The following PON2 variants were observed in gnomAD, a reference collection of about 807,000 sequenced individuals.
PON2 encodes serum paraoxonase/arylesterase 2.
A neutral mutation model predicts 36.6 loss-of-function variants in PON2; 27 were observed. The ratio of observed to expected loss-of-function variants is 0.74; its 90% CI spans 0.54 to 1.02. The LOEUF (loss-of-function observed/expected upper bound fraction) is 1.02. Among genes scored for constraint, PON2 ranks in the 50% least tolerant of loss-of-function variants. PON2 has a pLI of 0.00. For missense variants in PON2, 363 were observed against 421.1 expected (o/e 0.86, Z 1.21); for synonymous variants, 149 against 156.3 (o/e 0.95, Z 0.35).
At chr7:95,411,176 G>A (rs987130655) in intron 5 of PON2, among the ~76,000 whole-genome samples, 3 of 152,024 alleles carry the variant, frequency 2.0e-5, no homozygotes, top group African/African-American at 7.3e-5. Context: ...CTAATTCTGT[G>A]GGATTACTAG....
Position 95,412,375 on chromosome 7 carries a change from T to C in PON2, c.304A>G (p.Ile102Val), listed in dbSNP as rs1260441592. 5.0e-6 allele frequency: 8 copies of C among 1,614,200 alleles called. No homozygotes were observed. Among genetic ancestry groups the C allele is most frequent in the South Asian group, 1.1e-5 (1 of 91,080 alleles). ...GAGGCCAAATCAAACCCACGACTGA[T>C]TCTTAATTCCCGTGCCCTTGGTTTT... is the stretch of plus-strand genomic sequence containing the variant. ...EEKPRARELR[I>V]SRGFDLASFN... Residue 102 changes from isoleucine (I) to valine (V), a missense_variant, in exon 4 of 9, where the codon ATC (isoleucine) becomes GTC (valine). Coordinates refer to ENST00000222572, the MANE Select transcript of PON2 (RefSeq NM_000305.3).
chr7:95,407,341 G>T (rs1809726421), intron 6 of PON2, among the ~76,000 whole-genome samples: 1 of 152,098 alleles, frequency 6.6e-6, no homozygotes, highest in South Asian at 2.1e-4. Context: ...GTCCATATTT[G>T]CCACTGAAAT....
At position 95,405,250 on chromosome 7, in the gene PON2, G is replaced by A. The variant is rs1809647017; in HGVS notation, c.*80C>T. The A allele has an allele frequency of 6.9e-7, 1 of 1,453,224 alleles. No individual in the cohort carries two copies. The highest frequency in any genetic ancestry group is 1.4e-5 in the African/African-American group (1 of 71,244). 90.0% of individuals were successfully genotyped at this position (1,453,224 alleles called of 1,614,324 possible). A position where few individuals can be genotyped will look rare whatever the true frequency, so the allele number is the denominator to read the frequency against. On this transcript the variant is annotated 3_prime_UTR_variant, in exon 9 of 9. Transcript: ENST00000222572. ...TGCCATACATTTCTGGGTCAATGTT[G>A]CTGGTTAAATTCCCTCAGAATTAGC...
chr7:95,433,495 C>T lies in PON2; in HGVS notation c.74+1383G>A, dbSNP rs184433806. On this transcript the variant is annotated intron_variant, in intron 1 of 8. Coordinates refer to ENST00000222572, the MANE Select transcript of PON2 (RefSeq NM_000305.3). ...GAGAACCATTGCTCTCCTCCAATCC[C>T]CCCTTCCAGGCTTATCTCTATAAAA... Among the ~76,000 whole-genome samples the T allele has an allele frequency of 9.0e-4, 137 of 152,294 alleles. 1 individual carries two copies. Among genetic ancestry groups the T allele is most frequent in the Admixed American group, 8.2e-3 (126 of 15,300 alleles).
intron 6 of PON2, among the ~76,000 whole-genome samples, chr7:95,408,041 T>TTG (rs1278120355): frequency 6.6e-6 from 1 of 152,200 alleles, no homozygotes; most frequent in Non-Finnish European, 1.5e-5. Context: ...GGTGGCCTGT[T>TTG]AAACAAAGTC....
chr7:95,416,633 T>A (rs534025672), intron 2 of PON2, among the ~76,000 whole-genome samples: 27 of 152,226 alleles, frequency 1.8e-4, no homozygotes, highest in Non-Finnish European at 2.8e-4. Context: ...AGGGGAATAT[T>A]ACTTTCTGAA....
chr7:95,417,591 T>A (rs1789091899), intron 2 of PON2, among the ~76,000 whole-genome samples: 1 of 151,350 alleles, frequency 6.6e-6, no homozygotes. Context: ...ATGACTAGAC[T>A]CTAGTTCCAC....
chr7:95,430,765 AAAAAG>A (rs1176657239), intron 1 of PON2, among the ~76,000 whole-genome samples: 1 of 152,034 alleles, frequency 6.6e-6, no homozygotes, highest in Non-Finnish European at 1.5e-5. Context: ...GCCTTGAAGA[AAAAAG>A]AAAAAAAGAA....
At chr7:95,424,002 T>G (rs1789254972) in intron 2 of PON2, among the ~76,000 whole-genome samples, 1 of 152,170 alleles carries the variant, frequency 6.6e-6, no homozygotes, top group African/African-American at 2.4e-5. Context: ...GACCTCTCAC[T>G]GGGTCCCTCC....
chr7:95,417,690 G>GACACACACACACACACAC (rs555142509), intron 2 of PON2, among the ~76,000 whole-genome samples: 5 of 93,814 alleles, frequency 5.3e-5, no homozygotes, highest in Admixed American at 1.0e-4. Context: ...TGTACACACA[G>GACACACACACACACACAC]ACACACACAC....
intron 3 of PON2, chr7:95,412,729 T>C (rs1278871789): frequency 2.0e-5 from 10 of 499,078 alleles, no homozygotes; most frequent in Non-Finnish European, 3.2e-5. Flanking sequence ...GTTGGTGGAC[T>C]AGGTGATTCC....
intron 1 of PON2, among the ~76,000 whole-genome samples, chr7:95,428,338 G>A (rs1789362318): frequency 1.3e-5 from 2 of 152,084 alleles, no homozygotes; most frequent in South Asian, 4.1e-4. Context: ...TTCCCCAAGT[G>A]ACCCCTATGG....
At position 95,420,221 on chromosome 7, in the gene PON2, C is replaced by G; in HGVS notation, c.146-3924G>C. 2.0e-5 allele frequency among the ~76,000 whole-genome samples: 3 copies of G among 152,174 alleles called. No homozygotes were observed. The Middle Eastern group carries it at 0.01, about 518-fold the overall frequency. ...ATTATAAGGGCCACAAACTTTAATGCTTTTTTCCCCTCAATCTCCCAAGCA... is the reference window on the plus strand; with the variant it reads ...ATTATAAGGGCCACAAACTTTAATGGTTTTTTCCCCTCAATCTCCCAAGCA... On this transcript the variant is annotated intron_variant, in intron 2 of 8. Transcript: ENST00000222572.
rs368996669 is a variant in PON2 at position 95,407,620 on chromosome 7, C to T, written c.696-552G>A. Among the ~76,000 whole-genome samples the T allele has an allele frequency of 2.3e-4, 35 of 152,284 alleles. 1 individual carries two copies. Among genetic ancestry groups the T allele is most frequent in the African/African-American group, 8.2e-4 (34 of 41,552 alleles). On this transcript the variant is annotated intron_variant, in intron 6 of 8. Transcript: ENST00000222572. ...GAGGTAATTTTACTCATTGAATTGA[C>T]TTTCCATGGCACCTGCTCTGTTGAG...
At chr7:95,412,549 A>T (rs1031974821) in intron 3 of PON2, 72 bp from the exon 4 acceptor site, 16 of 1,469,448 alleles carry the variant, frequency 1.1e-5, no homozygotes, top group Non-Finnish European at 1.5e-5. Flanking sequence ...GGAACTGTAC[A>T]TGAAGGATAA....
intron 1 of PON2, among the ~76,000 whole-genome samples, chr7:95,430,341 C>T (rs1427322101): frequency 6.6e-6 from 1 of 150,804 alleles, no homozygotes; most frequent in East Asian, 1.9e-4. Context: ...GAGACAGAGT[C>T]TCGCTCTGTT....
intron 2 of PON2, among the ~76,000 whole-genome samples, chr7:95,416,715 C>G (rs1789071768): frequency 6.6e-6 from 1 of 152,208 alleles, no homozygotes; most frequent in African/African-American, 2.4e-5. Context: ...CTGAAGCAAA[C>G]AGACATCTTT....
intron 5 of PON2, 38 bp from the exon 6 acceptor site, chr7:95,410,139 G>T: frequency 6.6e-7 from 1 of 1,512,324 alleles, no homozygotes; most frequent in Non-Finnish European, 9.2e-7. Context: ...GAAACAAAAG[G>T]CCTGTTGGTC....
intron 3 of PON2, chr7:95,415,976 G>GA: frequency 5.0e-6 from 3 of 599,974 alleles, no homozygotes; most frequent in Non-Finnish European, 8.2e-6. Flanking sequence ...AATTAAAAAA[G>GA]AAAAAACAAA....
Sources: gnomAD v4.1 joint callset for allele counts (sites outside exome capture counted in the v4.1 genomes callset) on GRCh38, gnomAD v4.1.1 for gene constraint, MANE v1.5 for transcripts, NCBI Gene and HGNC (gene_info 2026-07-23, HGNC 2026-07-21) for gene names.